The following MYOM3 variants were observed in gnomAD, a reference collection of about 807,000 sequenced individuals.
The protein encoded by MYOM3 is myomesin 3.
In MYOM3, 155 loss-of-function variants were observed where a neutral mutation model predicts 191.7. The observed-to-expected ratio is 0.81, with a 90% CI of 0.71 to 0.92. The LOEUF is 0.92. MYOM3 is among the 40% of genes least tolerant of loss of function. The probability of loss-of-function intolerance (pLI) is 0.00; values close to 1 mark genes in which losing one functional copy is unlikely to be tolerated. For missense variants in MYOM3, 1,889 were observed against 1,890.6 expected, an observed-to-expected ratio of 1.00 and a Z score of 0.02; for synonymous variants, 757 against 762.9, an observed-to-expected ratio of 0.99 and a Z score of 0.13.
chr1:24,062,531 G>A (rs1235783906), intron 32 of MYOM3, among the ~76,000 whole-genome samples: 1 of 152,154 alleles, frequency 6.6e-6, no homozygotes, highest in Non-Finnish European at 1.5e-5. Flanking sequence ...CCACAAGGCT[G>A]AGGCATGCAG....
intron 20 of MYOM3, among the ~76,000 whole-genome samples, chr1:24,078,512 TACGGGC>T (rs1643629402): frequency 6.6e-6 from 1 of 152,240 alleles, no homozygotes; most frequent in Non-Finnish European, 1.5e-5. Context: ...TTGCCATTGT[TACGGGC>T]TTCTTGAGCC....
intron 23 of MYOM3, among the ~76,000 whole-genome samples, chr1:24,073,813 A>C (rs1643561071): frequency 6.9e-6 from 1 of 145,010 alleles, no homozygotes. Context: ...CAGTGAGCCG[A>C]GATCGTGCCA....
chr1:24,078,924 T>G (rs1643634345), intron 20 of MYOM3, among the ~76,000 whole-genome samples: 1 of 152,226 alleles, frequency 6.6e-6, no homozygotes. Context: ...TGTGATTTTC[T>G]TACCTCCTGC....
At position 24,076,139 on chromosome 1, in the gene MYOM3, G is replaced by A. The variant is rs752276108; in HGVS notation, c.2701+20C>T. 20 of 1,596,534 alleles carry A rather than the reference G, an allele frequency of 1.3e-5. No individual in the cohort carries two copies. The highest frequency in any genetic ancestry group is 1.6e-5 in the Non-Finnish European group (19 of 1,164,208). On this transcript the variant is annotated intron_variant, in intron 21 of 36. Coordinates refer to ENST00000374434, the MANE Select transcript of MYOM3 (RefSeq NM_152372.4). ...GGCGTAGCCCAGTGGCAGAGCTCTG[G>A]CCTCTCCGGCCACCCCTACCTGGCT...
intron 4 of MYOM3, among the ~76,000 whole-genome samples, chr1:24,106,794 C>T (rs949990285): frequency 6.6e-6 from 1 of 152,148 alleles, no homozygotes; most frequent in African/African-American, 2.4e-5. Flanking sequence ...GTCTCGAACT[C>T]CTGACCTCAG....
intron 5 of MYOM3, among the ~76,000 whole-genome samples, chr1:24,104,346 G>T (rs1195615052): frequency 6.6e-6 from 1 of 152,194 alleles, no homozygotes; most frequent in African/African-American, 2.4e-5. Flanking sequence ...ATGGGCTGAG[G>T]TAGCTCCTTC....
At chr1:24,064,370 G>A (rs1643410026) in intron 29 of MYOM3, 2 of 534,748 alleles carry the variant, frequency 3.7e-6, no homozygotes, top group East Asian at 3.3e-5. Context: ...TTCCTAGCTC[G>A]GGGCTTGTCT....
At chr1:24,103,340 T>A (rs1643954422) in intron 5 of MYOM3, among the ~76,000 whole-genome samples, 1 of 152,188 alleles carries the variant, frequency 6.6e-6, no homozygotes, top group South Asian at 2.1e-4. Context: ...TGGCATAGTT[T>A]TTGGAATAAA....
chr1:24,085,280 A>AGATGGATGGATGGATGGATGGATAGATG (rs1643724609), intron 15 of MYOM3, among the ~76,000 whole-genome samples: 1 of 137,598 alleles, frequency 7.3e-6, no homozygotes. Flanking sequence ...ATGGATGGAT[A>AGATGGATGGATGGATGGATGGATAGATG]GATGGATGGA....
chr1:24,107,482 C>A (rs990420289), intron 3 of MYOM3, among the ~76,000 whole-genome samples: 2 of 152,212 alleles, frequency 1.3e-5, no homozygotes, highest in African/African-American at 4.8e-5. Flanking sequence ...GTTTTCACGA[C>A]AGCCAAGTGG....
chr1:24,106,411 GC>G (rs1458105293), intron 4 of MYOM3, among the ~76,000 whole-genome samples: 2 of 152,314 alleles, frequency 1.3e-5, no homozygotes, highest in African/African-American at 4.8e-5. Flanking sequence ...GTAAGTGGAA[GC>G]TGGGGAGGGA....
At chr1:24,067,288 C>CT (rs1270904722) in intron 27 of MYOM3, among the ~76,000 whole-genome samples, 200 bp from the exon 28 acceptor site, 2 of 131,984 alleles carry the variant, frequency 1.5e-5, no homozygotes, top group South Asian at 2.7e-4. Flanking sequence ...TCCTTCCTTT[C>CT]TTTCTTTCTT....
intron 16 of MYOM3, 188 bp from the exon 17 acceptor site, chr1:24,082,902 G>C: frequency 1.8e-6 from 1 of 571,098 alleles, no homozygotes; most frequent in Non-Finnish European, 2.8e-6. Flanking sequence ...GGAGGGGGTA[G>C]ACCTAAGAGT....
chr1:24,057,433 G>C lies in MYOM3; in HGVS notation c.4245C>G (p.Ser1415=), dbSNP rs753406622. ...CACTGATGGTGACCTGGCCCGTCTC[G>C]GAGCCATACTTGTTCTTGACGAAGA... is the stretch of plus-strand genomic sequence containing the variant. ...YGVFVKNKYG[S]ETGQVTISVF... Residue 1415 remains serine (S), a synonymous_variant, in exon 37 of 37, where the codon TCC becomes TCG. Coordinates refer to ENST00000374434, the MANE Select transcript of MYOM3 (RefSeq NM_152372.4). 1.2e-6 allele frequency: 2 copies of C among 1,614,012 alleles called. No individual in the cohort carries two copies. The highest frequency in any genetic ancestry group is 1.7e-6 in the Non-Finnish European group (2 of 1,180,038).
intron 21 of MYOM3, 103 bp from the exon 22 acceptor site, chr1:24,075,578 T>G: frequency 8.0e-7 from 1 of 1,250,468 alleles, no homozygotes; most frequent in Non-Finnish European, 1.1e-6. Context: ...TTGCACTTAA[T>G]AATAAACTTG....
At chr1:24,093,196 T>G in intron 9 of MYOM3, 88 bp from the exon 10 acceptor site, 17 of 775,390 alleles carry the variant, frequency 2.2e-5, no homozygotes, top group Admixed American at 4.5e-5. Flanking sequence ...CTGGAGACCC[T>G]GGCTGGGCAG....
At position 24,089,658 on chromosome 1, in the gene MYOM3, C is replaced by A; in HGVS notation, c.1494G>T (p.Val498=). ...CATTGGTTGGCGGTGAGGGGATGGT[C>A]ACAGTATCTGAAATCAGAGTCACCC... ...TISTDAFEDT[V]TIPSPPTNVH... is the part of the protein sequence containing the mutation. Residue 498 remains valine, a synonymous_variant, in exon 14 of 37, where the codon GTG becomes GTT. Coordinates refer to ENST00000374434, the MANE Select transcript of MYOM3 (RefSeq NM_152372.4). 6.3e-7 allele frequency: 1 copy of A among 1,582,506 alleles called. No individual in the cohort carries two copies.
chr1:24,071,196 A>G lies in MYOM3; in HGVS notation c.3071T>C (p.Leu1024Pro), dbSNP rs1376185902. The G allele has an allele frequency of 2.5e-6, 4 of 1,613,980 alleles. No homozygotes were observed. Among genetic ancestry groups the G allele is most frequent in the Non-Finnish European group, 3.4e-6 (4 of 1,180,000 alleles). The change falls in exon 25 of 37, where the codon CTT becomes CCT. Residue 1024 changes from leucine to proline, a missense_variant. Coordinates refer to ENST00000374434, the MANE Select transcript of MYOM3 (RefSeq NM_152372.4). Reference protein sequence around the residue: ...IDILERGEVRLWLEVEKLSPA... With the variant: ...IDILERGEVRPWLEVEKLSPA... ...AGATAACTTTTCTACTTCCAGCCAA[A>G]GCCGCACCTCCCCTCGCTCCAGGAT...
chr1:24,082,505 G>T (rs1643684587), intron 17 of MYOM3, 88 bp downstream of exon 17: 4 of 1,466,838 alleles, frequency 2.7e-6, no homozygotes, highest in South Asian at 2.9e-5. Context: ...TGGCCACCAG[G>T]ACTGGGCCCT....
Sources: allele counts gnomAD v4.1 joint callset (sites outside exome capture counted in the v4.1 genomes callset), GRCh38; gene constraint gnomAD v4.1.1; transcripts MANE v1.5; gene names NCBI Gene and HGNC (gene_info 2026-07-23, HGNC 2026-07-21).